Variants in SVOPL observed in about 807,000 individuals in gnomAD.
SVOPL encodes SVOP like.
Under a neutral mutation model 61.0 loss-of-function variants are expected in SVOPL, and 60 were observed. That is an observed-to-expected ratio of 0.98 (90% confidence interval 0.80 to 1.22). SVOPL has a LOEUF of 1.22. Ranked by LOEUF, SVOPL falls within the 50% of genes most tolerant of loss-of-function variation. The probability of loss-of-function intolerance (pLI) is 0.00; values close to 1 mark genes in which losing one functional copy is unlikely to be tolerated. For synonymous variants in SVOPL, 279 were observed against 250.0 expected, an observed-to-expected ratio of 1.12 and a Z score of -1.09; for missense variants, 662 against 643.9, an observed-to-expected ratio of 1.03 and a Z score of -0.30.
chr7:138,682,971 AAAAAAAAAAAAG>A (rs1802731004), intron 1 of SVOPL, among the ~76,000 whole-genome samples: 1 of 150,616 alleles, frequency 6.6e-6, no homozygotes. Flanking sequence ...TCCATCTCAA[AAAAAAAAAAAAG>A]AAAAAAAAAA....
At chr7:138,637,539 T>TACAC (rs1225617075) in intron 9 of SVOPL, among the ~76,000 whole-genome samples, 2 of 150,466 alleles carry the variant, frequency 1.3e-5, no homozygotes, top group South Asian at 4.2e-4. Flanking sequence ...CCTACATACA[T>TACAC]ACACACACAC....
At chr7:138,661,091 T>G in intron 5 of SVOPL, 1 of 985,418 alleles carries the variant, frequency 1.0e-6, no homozygotes. Context: ...TCTATGCTAT[T>G]TATTTCATGT....
intron 5 of SVOPL, chr7:138,661,877 T>C (rs951972286): frequency 1.0e-6 from 1 of 985,364 alleles, no homozygotes; most frequent in East Asian, 1.1e-4. Flanking sequence ...TCGTCTCTGT[T>C]TCTTCCTTTA....
At chr7:138,642,057 T>C (rs1800832002) in intron 9 of SVOPL, among the ~76,000 whole-genome samples, 1 of 150,854 alleles carries the variant, frequency 6.6e-6, no homozygotes, top group African/African-American at 2.4e-5. Context: ...AAATTCCAAA[T>C]AACAACATCC....
At chr7:138,656,668 G>A (rs1213718321) in intron 6 of SVOPL, among the ~76,000 whole-genome samples, 157 bp from the exon 7 acceptor site, 1 of 152,166 alleles carries the variant, frequency 6.6e-6, no homozygotes, top group Non-Finnish European at 1.5e-5. Context: ...ATCCACATAA[G>A]AGAACAGTAA....
intron 8 of SVOPL, among the ~76,000 whole-genome samples, chr7:138,645,218 C>A (rs1801035988): frequency 6.6e-6 from 1 of 152,080 alleles, no homozygotes; most frequent in Non-Finnish European, 1.5e-5. Flanking sequence ...CACCATGCAA[C>A]CACCAAAGGG....
intron 7 of SVOPL, among the ~76,000 whole-genome samples, chr7:138,650,364 T>C (rs1801362611): frequency 6.6e-6 from 1 of 151,994 alleles, no homozygotes; most frequent in African/African-American, 2.4e-5. Flanking sequence ...GTGTTTGCTA[T>C]TAACTGAAAT....
chr7:138,604,044 G>C (rs1485666969), intron 14 of SVOPL, among the ~76,000 whole-genome samples: 1 of 144,588 alleles, frequency 6.9e-6, no homozygotes, highest in East Asian at 2.1e-4. Context: ...ACTCACTGCA[G>C]TGTCGACCTC....
intron 10 of SVOPL, 119 bp downstream of exon 10, chr7:138,629,930 G>T: frequency 1.4e-6 from 1 of 739,608 alleles, no homozygotes; most frequent in Non-Finnish European, 2.3e-6. Flanking sequence ...GCTTGTCTTT[G>T]TAGTATTTGG....
intron 14 of SVOPL, among the ~76,000 whole-genome samples, chr7:138,615,285 C>T (rs973874925): frequency 1.3e-5 from 2 of 152,024 alleles, no homozygotes; most frequent in Non-Finnish European, 2.9e-5. Flanking sequence ...AGGCTGGGCA[C>T]GATGGCTCAC....
chr7:138,634,699 A>T (rs1306097013), intron 9 of SVOPL, among the ~76,000 whole-genome samples: 9 of 131,074 alleles, frequency 6.9e-5, no homozygotes. Flanking sequence ...ATGGTGGCAC[A>T]TGCCTGCAAT....
intron 1 of SVOPL, among the ~76,000 whole-genome samples, chr7:138,681,055 A>T (rs1802690517): frequency 6.6e-6 from 1 of 151,748 alleles, no homozygotes; most frequent in African/African-American, 2.4e-5. Flanking sequence ...TATTGTTAGG[A>T]ACCCAGGTTT....
chr7:138,614,691 C>T (rs1042645747), intron 14 of SVOPL, among the ~76,000 whole-genome samples: 11 of 152,194 alleles, frequency 7.2e-5, no homozygotes, highest in African/African-American at 2.4e-4. Context: ...CCACCACGCC[C>T]GGCTGGCATT....
intron 4 of SVOPL, among the ~76,000 whole-genome samples, chr7:138,668,422 G>C (rs939098077): frequency 6.6e-6 from 1 of 152,160 alleles, no homozygotes; most frequent in South Asian, 2.1e-4. Flanking sequence ...CCGCTGGGCT[G>C]TTACATTCTT....
rs752774147 is a variant in SVOPL, at chr7:138,630,037, T to G, written c.863+12A>C. On this transcript the variant is annotated intron_variant, in intron 10 of 15. Transcript: ENST00000674285. ...CTATTTAAAACTAGCTTTGAAATCA[T>G]TACACTCTTACCATATGACCCAGAT... 1 of 1,610,294 alleles carries G rather than the reference T, an allele frequency of 6.2e-7. No homozygotes were observed. The highest frequency in any genetic ancestry group is 8.5e-7 in the Non-Finnish European group (1 of 1,176,786).
chr7:138,613,990 T>G (rs930374842), intron 14 of SVOPL, among the ~76,000 whole-genome samples: 2 of 152,216 alleles, frequency 1.3e-5, no homozygotes, highest in East Asian at 3.8e-4. Context: ...ATCTGGCTTA[T>G]TGATTACTGC....
intron 5 of SVOPL, chr7:138,662,199 A>T: frequency 1.0e-6 from 1 of 985,478 alleles, no homozygotes; most frequent in Non-Finnish European, 1.2e-6. Context: ...CCTCTGCCTC[A>T]TAGCAGCAGG....
intron 14 of SVOPL, among the ~76,000 whole-genome samples, chr7:138,616,832 G>A (rs1799323742): frequency 6.6e-6 from 1 of 152,084 alleles, no homozygotes; most frequent in Non-Finnish European, 1.5e-5. Flanking sequence ...TGTTGTCCAG[G>A]CTAGAGTGCA....
chr7:138,664,698 C>T (rs1367224830), intron 4 of SVOPL, among the ~76,000 whole-genome samples: 2 of 151,422 alleles, frequency 1.3e-5, no homozygotes, highest in African/African-American at 2.4e-5. Context: ...CTCCATCGGG[C>T]GCACCCCTGA....
Sources: allele counts gnomAD v4.1 joint callset (sites outside exome capture counted in the v4.1 genomes callset), GRCh38; gene constraint gnomAD v4.1.1; transcripts MANE v1.5; gene names NCBI Gene and HGNC (gene_info 2026-07-23, HGNC 2026-07-21).